PCDHGA6: variants seen among roughly 807,000 people sequenced by gnomAD.
The protein encoded by PCDHGA6 is protocadherin gamma subfamily A, 6.
Under a neutral mutation model 60.6 loss-of-function variants are expected in PCDHGA6, and 41 were observed. The ratio of observed to expected loss-of-function variants is 0.68; its 90% CI spans 0.53 to 0.88. The LOEUF (loss-of-function observed/expected upper bound fraction) is 0.88, where lower values mean the gene tolerates loss of function less well. Ranked by LOEUF, PCDHGA6 falls within the 40% of genes least tolerant of loss-of-function variation. The pLI is 0.00. For missense variants in PCDHGA6, 1,312 were observed against 1,203.0 expected (o/e 1.09, Z -1.34); for synonymous variants, 594 against 524.4 (o/e 1.13, Z -1.81).
Position 141,490,325 on chromosome 5 carries a change from G to A in PCDHGA6, c.2425-4482G>A. 1 of 1,614,236 alleles carries A rather than the reference G, an allele frequency of 6.2e-7. No individual in the cohort carries two copies. Among genetic ancestry groups the A allele is most frequent in the Non-Finnish European group, 8.5e-7 (1 of 1,180,038 alleles). On this transcript the variant is annotated intron_variant, in intron 1 of 3. Transcript: ENST00000517434. This position sits in a 1 kb window ranked among gnomAD's most constrained non-coding sequence, Gnocchi z 5.4. ...TCTTTGGCCAACCCTGTCCTAGAGA[G>A]CACACCAGTGGGCACAGTAGTGGGG...
chr5:141,417,893 G>T (rs766340497), intron 1 of PCDHGA6: 2 of 1,572,670 alleles, frequency 1.3e-6, no homozygotes, highest in Admixed American at 1.9e-5. Flanking sequence ...GCGCCGGGCC[G>T]GCCCGCGGCA....
chr5:141,435,614 C>A, intron 1 of PCDHGA6, among the ~76,000 whole-genome samples: 1 of 152,056 alleles, frequency 6.6e-6, no homozygotes, highest in East Asian at 1.9e-4. Flanking sequence ...ACATTAAATT[C>A]CCCATAACTT....
At chr5:141,381,850 G>T (rs1777668389) in intron 1 of PCDHGA6, among the ~76,000 whole-genome samples, 3 of 33,314 alleles carry the variant, frequency 9.0e-5, no homozygotes, top group Non-Finnish European at 5.3e-5. Flanking sequence ...TTTTTTTTTG[G>T]CAGAGTTTTG....
chr5:141,417,980 C>A lies in PCDHGA6; in HGVS notation c.2424+41473C>A, dbSNP rs905203424. On this transcript the variant is annotated intron_variant, in intron 1 of 3. Transcript: ENST00000517434. ...GATCCGCTACTCGATTCCGGAGGAG[C>A]TGGCCAAGGGCTCGGTGGTGGGGAA... is the stretch of plus-strand genomic sequence containing the variant. 4.3e-6 allele frequency: 7 copies of A among 1,613,856 alleles called. No homozygotes were observed. The Admixed American group carries it at 1.0e-4, about 23-fold the overall frequency.
At chr5:141,449,080 A>G (rs2098627421) in intron 1 of PCDHGA6, among the ~76,000 whole-genome samples, 1 of 152,198 alleles carries the variant, frequency 6.6e-6, no homozygotes, top group Non-Finnish European at 1.5e-5. Context: ...CCCTGTACCT[A>G]CATCAGTTTT....
Position 141,489,075 on chromosome 5 carries a change from C to A in PCDHGA6, c.2425-5732C>A. The A allele has an allele frequency of 3.1e-6, 1 of 324,814 alleles. No individual in the cohort carries two copies. The highest frequency in any genetic ancestry group is 5.5e-6 in the Non-Finnish European group (1 of 180,380). The allele number at this position is 324,814 out of a possible 1,614,324, so 20.1% of individuals were successfully genotyped here. A position where few individuals can be genotyped will look rare whatever the true frequency, so the allele number is the denominator to read the frequency against. ...TCAGCTCCCCTCCCCCCTGCCCACCCCCGCCACTCGGTGACTAAGAACTGC... is the reference window on the plus strand; with the variant it reads ...TCAGCTCCCCTCCCCCCTGCCCACCACCGCCACTCGGTGACTAAGAACTGC... On this transcript the variant is annotated intron_variant, in intron 1 of 3. Coordinates refer to ENST00000517434, the MANE Select transcript of PCDHGA6 (RefSeq NM_018919.3). The surrounding 1 kb of genome is among the most constrained non-coding windows in gnomAD (Gnocchi z 4.5).
chr5:141,401,546 ATGCTATT>A (rs1372970930), intron 1 of PCDHGA6, among the ~76,000 whole-genome samples: 1 of 152,214 alleles, frequency 6.6e-6, no homozygotes, highest in African/African-American at 2.4e-5. Context: ...AAAAAAGGAA[ATGCTATT>A]GCCTGAATTT....
At chr5:141,427,306 A>G (rs1023837851) in intron 1 of PCDHGA6, 6 of 456,826 alleles carry the variant, frequency 1.3e-5, no homozygotes, top group African/African-American at 1.2e-4. Flanking sequence ...GAGAATGACA[A>G]TGCCCCAGAC....
chr5:141,490,993 C>G lies in PCDHGA6; in HGVS notation c.2425-3814C>G, dbSNP rs746618787. 1.9e-6 allele frequency: 3 copies of G among 1,614,140 alleles called. No individual in the cohort carries two copies. Among genetic ancestry groups the G allele is most frequent in the Non-Finnish European group, 2.5e-6 (3 of 1,180,030 alleles). On this transcript the variant is annotated intron_variant, in intron 1 of 3. Coordinates refer to ENST00000517434, the MANE Select transcript of PCDHGA6 (RefSeq NM_018919.3). The surrounding 1 kb of genome is among the most constrained non-coding windows in gnomAD (Gnocchi z 5.4). ...CCAGCGTCTCCCTCGCTCTGCTCCT[C>G]CTGGCTCCTTGGTCACCAAGGTGAC...
At position 141,489,097 on chromosome 5, in the gene PCDHGA6, C is replaced by A; in HGVS notation, c.2425-5710C>A. ...ACCCCCGCCACTCGGTGACTAAGAA[C>A]TGCTGCAAGCAGGCAAACCTCCGAG... On this transcript the variant is annotated intron_variant, in intron 1 of 3. Transcript: ENST00000517434. This position sits in a 1 kb window ranked among gnomAD's most constrained non-coding sequence, Gnocchi z 4.5. The A allele has an allele frequency of 2.6e-5, 8 of 313,358 alleles. No homozygotes were observed. Among genetic ancestry groups the A allele is most frequent in the Non-Finnish European group, 3.5e-5 (6 of 172,456 alleles). The allele number at this position is 313,358 out of a possible 1,614,324, so 19.4% of individuals were successfully genotyped here. A position where few individuals can be genotyped will look rare whatever the true frequency, so the allele number is the denominator to read the frequency against.
chr5:141,460,224 T>C (rs986301555), intron 1 of PCDHGA6, among the ~76,000 whole-genome samples: 1 of 152,168 alleles, frequency 6.6e-6, no homozygotes, highest in African/African-American at 2.4e-5. Context: ...GTTGTGTCTT[T>C]TGAAGAGCAG....
intron 1 of PCDHGA6, among the ~76,000 whole-genome samples, chr5:141,446,868 C>T (rs980547855): frequency 6.6e-6 from 1 of 152,160 alleles, no homozygotes; most frequent in Non-Finnish European, 1.5e-5. Flanking sequence ...TAGCTCTACA[C>T]TGGTATGTTT....
chr5:141,503,222 G>C (rs540244346), intron 2 of PCDHGA6, among the ~76,000 whole-genome samples: 1 of 152,120 alleles, frequency 6.6e-6, no homozygotes, highest in Middle Eastern at 3.4e-3. Context: ...CATGAGCACC[G>C]TAAAGATGGA....
intron 1 of PCDHGA6, chr5:141,404,627 G>GC (rs2094548617): frequency 6.2e-7 from 1 of 1,614,026 alleles, no homozygotes; most frequent in Non-Finnish European, 8.5e-7. Flanking sequence ...GAATGACAAT[G>GC]CCCCAGAAAT....
chr5:141,377,812 C>T (rs535022477), intron 1 of PCDHGA6: 1 of 152,244 alleles, frequency 6.6e-6, no homozygotes, highest in Admixed American at 6.5e-5. Flanking sequence ...CTGTTATTTA[C>T]TTGGGCCAGT....
intron 3 of PCDHGA6, among the ~76,000 whole-genome samples, chr5:141,510,373 T>TC (rs112437269): frequency 0.25 from 37,727 of 151,394 alleles, 4,765 homozygotes; most frequent in Admixed American, 0.33. Context: ...GAATCTCTAC[T>TC]CGTGCCAGGC....
intron 1 of PCDHGA6, chr5:141,389,699 C>T: frequency 1.2e-6 from 2 of 1,612,646 alleles, no homozygotes; most frequent in Non-Finnish European, 1.7e-6. Flanking sequence ...TGTCCTACCA[C>T]GTGCTGCAGG....
chr5:141,484,930 G>A (rs992641330), intron 1 of PCDHGA6: 2 of 501,452 alleles, frequency 4.0e-6, no homozygotes, highest in South Asian at 2.6e-5. Flanking sequence ...CTGCTGTTGG[G>A]ACGTTCTCTG....
chr5:141,403,616 C>T (rs2094434764), intron 1 of PCDHGA6: 1 of 1,613,774 alleles, frequency 6.2e-7, no homozygotes, highest in South Asian at 1.1e-5. Flanking sequence ...CGAGCCGCGT[C>T]GCTCCAGCAC....
Sources: gnomAD v4.1 joint callset for allele counts (sites outside exome capture counted in the v4.1 genomes callset) on GRCh38, gnomAD v4.1.1 for gene constraint, Gnocchi (gnomAD v3.1) non-coding constraint, MANE v1.5 for transcripts, NCBI Gene and HGNC (gene_info 2026-07-23, HGNC 2026-07-21) for gene names.